Variants in SNAP91 observed in about 807,000 individuals in gnomAD.
SNAP91 encodes synaptosome associated protein 91, also known as clathrin coat assembly protein AP180.
A neutral mutation model predicts 100.3 loss-of-function variants in SNAP91; 27 were observed. The observed-to-expected ratio is 0.27, with a 90% confidence interval of 0.20 to 0.37. SNAP91 has a LOEUF of 0.37. SNAP91 is among the 10% of genes least tolerant of loss of function. The pLI is 1.00. For missense variants in SNAP91, 986 were observed against 1,123.7 expected (o/e 0.88, Z 1.75); for synonymous variants, 404 against 398.6 (o/e 1.01, Z -0.16).
At position 83,665,516 on chromosome 6, in the gene SNAP91, G is replaced by T; in HGVS notation, c.196C>A (p.Arg66=). ...ACCACCCAGCTACTGTTTGTTGCCCGCTCAAAGAGAGTGTCGGCCATCTGA... is the reference window on the plus strand; with the variant it reads ...ACCACCCAGCTACTGTTTGTTGCCCTCTCAAAGAGAGTGTCGGCCATCTGA... ...IPQMADTLFE[R]ATNSSWVVVF... is the part of the protein sequence containing the mutation. The change falls in exon 3 of 30, where the codon CGG becomes AGG. Residue 66 remains arginine (R), a synonymous_variant. Coordinates refer to ENST00000369694, the MANE Select transcript of SNAP91 (RefSeq NM_001242792.2). 1 of 1,612,530 alleles carries T rather than the reference G, an allele frequency of 6.2e-7. No individual in the cohort carries two copies. Among genetic ancestry groups the T allele is most frequent in the South Asian group, 1.1e-5 (1 of 91,004 alleles).
chr6:83,692,859 C>T (rs568252088), intron 2 of SNAP91, among the ~76,000 whole-genome samples: 1 of 152,324 alleles, frequency 6.6e-6, no homozygotes, highest in East Asian at 1.9e-4. Context: ...CTTCACAGAG[C>T]TTTACCCATC....
At chr6:83,663,847 G>A (rs1434111569) in intron 3 of SNAP91, among the ~76,000 whole-genome samples, 2 of 152,122 alleles carry the variant, frequency 1.3e-5, no homozygotes, top group East Asian at 3.8e-4. Context: ...TATCTAGAAA[G>A]GAGAATACAG....
chr6:83,572,738 C>T (rs1810560679), intron 26 of SNAP91, among the ~76,000 whole-genome samples: 1 of 152,212 alleles, frequency 6.6e-6, no homozygotes, highest in Admixed American at 6.5e-5. Flanking sequence ...AGTATAAATT[C>T]CTTAGAACAA....
intron 7 of SNAP91, among the ~76,000 whole-genome samples, chr6:83,641,909 A>C (rs2128556654): frequency 6.6e-6 from 1 of 152,300 alleles, no homozygotes; most frequent in East Asian, 1.9e-4. Flanking sequence ...TCATTAGGGA[A>C]CTACAGCTCC....
At chr6:83,660,519 A>G (rs2098520033) in intron 5 of SNAP91, among the ~76,000 whole-genome samples, 2 of 151,736 alleles carry the variant, frequency 1.3e-5, no homozygotes, top group East Asian at 1.9e-4. Context: ...CAGATATAAG[A>G]TATGCACAAA....
intron 13 of SNAP91, among the ~76,000 whole-genome samples, chr6:83,607,112 T>C (rs1017461439): frequency 6.6e-6 from 1 of 152,214 alleles, no homozygotes; most frequent in African/African-American, 2.4e-5. Context: ...GGAATTGACC[T>C]AAATTTATTA....
At chr6:83,580,620 G>T in intron 23 of SNAP91, 21 bp from the exon 24 acceptor site, 1 of 1,572,172 alleles carries the variant, frequency 6.4e-7, no homozygotes, top group Non-Finnish European at 8.6e-7. Context: ...AATAGACTAG[G>T]TTCAGAATAA....
At chr6:83,601,754 TA>T (rs2095252885) in intron 14 of SNAP91, among the ~76,000 whole-genome samples, 155 bp from the exon 15 acceptor site, 1 of 152,192 alleles carries the variant, frequency 6.6e-6, no homozygotes. Flanking sequence ...ATAAATGTAC[TA>T]CCTATTATCA....
intron 8 of SNAP91, 28 bp downstream of exon 8, chr6:83,641,068 A>T: frequency 1.6e-6 from 2 of 1,240,180 alleles, no homozygotes; most frequent in Non-Finnish European, 2.2e-6. Flanking sequence ...AAAAAATTAT[A>T]TTCCCAAGAA....
chr6:83,699,736 A>G (rs1221649654), intron 2 of SNAP91, among the ~76,000 whole-genome samples: 1 of 152,192 alleles, frequency 6.6e-6, no homozygotes, highest in East Asian at 1.9e-4. Context: ...ATCTAGACAC[A>G]CATCCACTAA....
At chr6:83,683,449 T>C (rs1374545456) in intron 2 of SNAP91, among the ~76,000 whole-genome samples, 1 of 152,166 alleles carries the variant, frequency 6.6e-6, no homozygotes, top group Non-Finnish European at 1.5e-5. Flanking sequence ...TATTAGTTAA[T>C]GGGAGATCTG....
intron 9 of SNAP91, among the ~76,000 whole-genome samples, chr6:83,619,173 C>T (rs1172722937): frequency 6.6e-6 from 1 of 151,882 alleles, no homozygotes; most frequent in Non-Finnish European, 1.5e-5. Flanking sequence ...GACTATCAAA[C>T]TGACTTTTGT....
chr6:83,669,432 T>C (rs1044026118), intron 2 of SNAP91, among the ~76,000 whole-genome samples: 7 of 152,078 alleles, frequency 4.6e-5, no homozygotes, highest in African/African-American at 1.7e-4. Flanking sequence ...TTCTAAGTTT[T>C]ATTTGAACTT....
intron 2 of SNAP91, among the ~76,000 whole-genome samples, chr6:83,670,244 C>CTTTT (rs34522653): frequency 7.1e-6 from 1 of 140,722 alleles, no homozygotes; most frequent in Non-Finnish European, 1.5e-5. Context: ...TGATATGGTC[C>CTTTT]TTTTTTTTTT....
intron 9 of SNAP91, among the ~76,000 whole-genome samples, chr6:83,618,278 C>T (rs1462256263): frequency 6.6e-6 from 1 of 151,074 alleles, no homozygotes; most frequent in Non-Finnish European, 1.5e-5. Context: ...ATAAAAATTA[C>T]TAAGTGAACC....
intron 11 of SNAP91, among the ~76,000 whole-genome samples, chr6:83,614,253 A>C (rs1332268265): frequency 4.6e-5 from 7 of 152,182 alleles, no homozygotes; most frequent in Admixed American, 4.6e-4. Flanking sequence ...CATAAATAAT[A>C]AAATAAATTT....
intron 2 of SNAP91, among the ~76,000 whole-genome samples, chr6:83,686,601 TTTATA>T (rs2099064625): frequency 6.6e-6 from 1 of 152,222 alleles, no homozygotes. Context: ...CTTTCATACT[TTTATA>T]TTATCTAGTG....
At chr6:83,587,485 C>T (rs191274655) in intron 22 of SNAP91, among the ~76,000 whole-genome samples, 39 of 152,070 alleles carry the variant, frequency 2.6e-4, no homozygotes, top group Admixed American at 2.6e-3. Flanking sequence ...TATGACTAGG[C>T]TCATTTATTT....
At chr6:83,643,431 A>AT (rs1477484151) in intron 7 of SNAP91, among the ~76,000 whole-genome samples, 1 of 152,152 alleles carries the variant, frequency 6.6e-6, no homozygotes, top group Non-Finnish European at 1.5e-5. Flanking sequence ...TCCTAGCACC[A>AT]TTTGTTATAC....
Sources: allele counts gnomAD v4.1 joint callset (sites outside exome capture counted in the v4.1 genomes callset), GRCh38; gene constraint gnomAD v4.1.1; transcripts MANE v1.5; gene names NCBI Gene and HGNC (gene_info 2026-07-23, HGNC 2026-07-21).